AVEN: variants seen among roughly 807,000 people sequenced by gnomAD.
AVEN encodes the protein cell death regulator Aven.
AVEN carries 41 observed loss-of-function variants against 38.1 expected under a neutral mutation model. The ratio of observed to expected loss-of-function variants is 1.08; its 90% CI spans 0.84 to 1.40. The LOEUF is 1.40. Ranked by LOEUF, AVEN falls within the 40% of genes most tolerant of loss-of-function variation. The probability of loss-of-function intolerance (pLI) is 0.00; values close to 1 mark genes in which losing one functional copy is unlikely to be tolerated. For synonymous variants in AVEN, 206 were observed against 171.8 expected, an observed-to-expected ratio of 1.20 and a Z score of -1.56; for missense variants, 605 against 438.8, an observed-to-expected ratio of 1.38 and a Z score of -3.38.
chr15:33,861,254 C>G (rs1888088562), downstream of AVEN: 8 of 1,104,102 alleles, frequency 7.2e-6, no homozygotes, highest in Middle Eastern at 2.0e-4. Flanking sequence ...AGTTCAGTCT[C>G]TGCTGGAAAA....
intron 1 of AVEN, among the ~76,000 whole-genome samples, chr15:34,033,366 T>C (rs1244338336): frequency 2.0e-5 from 3 of 151,904 alleles, no homozygotes; most frequent in African/African-American, 7.2e-5. Context: ...ATTAGCCGGG[T>C]GTGGCGGTGT....
intron 2 of AVEN, among the ~76,000 whole-genome samples, chr15:33,994,062 G>T (rs1306278854): frequency 6.6e-6 from 1 of 152,206 alleles, no homozygotes; most frequent in Non-Finnish European, 1.5e-5. Context: ...AGAACAGGGG[G>T]TCCCCCACCC....
intron 5 of AVEN, among the ~76,000 whole-genome samples, chr15:34,056,373 C>A (rs186824085): frequency 6.6e-5 from 10 of 152,300 alleles, no homozygotes; most frequent in Admixed American, 6.5e-4. Flanking sequence ...TACTAAAATG[C>A]ATTTCCCAAA....
chr15:33,875,883 TGAA>T lies in AVEN; in HGVS notation c.516+39_516+41del, dbSNP rs376772386. 74 of 1,557,616 alleles carry T rather than the reference TGAA, an allele frequency of 4.8e-5. No homozygotes were observed. The African/African-American group carries it at 9.4e-4, about 20-fold the overall frequency. On this transcript the variant is annotated intron_variant, in intron 3 of 5. Coordinates refer to ENST00000306730, the MANE Select transcript of AVEN (RefSeq NM_020371.3). Reference sequence around the variant, plus strand: ...CGTAAAAGGTGTTAGCCTTCAGCCTTGAAGAAGAGCCAGTCCACACTTAACACA... The same window carrying T: ...CGTAAAAGGTGTTAGCCTTCAGCCTTGAAGAGCCAGTCCACACTTAACACA...
At chr15:33,872,417 A>T (rs559194177) in intron 3 of AVEN, among the ~76,000 whole-genome samples, 96 of 152,218 alleles carry the variant, frequency 6.3e-4, no homozygotes, top group Non-Finnish European at 1.1e-3. Context: ...CTCAGAATCT[A>T]CAGCAATTAC....
At chr15:33,875,531 G>A (rs1032445518) in intron 3 of AVEN, among the ~76,000 whole-genome samples, 1 of 152,112 alleles carries the variant, frequency 6.6e-6, no homozygotes, top group Non-Finnish European at 1.5e-5. Context: ...AAAGCTGCAA[G>A]GTTAAGGGTT....
downstream of AVEN, chr15:33,857,821 C>T: frequency 6.2e-7 from 1 of 1,614,180 alleles, no homozygotes; most frequent in Non-Finnish European, 8.5e-7. Flanking sequence ...TGGTTTATCT[C>T]TATACTGTGG....
At chr15:33,876,269 C>G (rs1233414944) in intron 2 of AVEN, among the ~76,000 whole-genome samples, 1 of 152,066 alleles carries the variant, frequency 6.6e-6, no homozygotes, top group East Asian at 1.9e-4. Context: ...TAAATTTGAT[C>G]CCTCAAAAAG....
intron 2 of AVEN, among the ~76,000 whole-genome samples, chr15:33,950,735 G>A (rs1477257177): frequency 1.3e-5 from 2 of 152,198 alleles, no homozygotes; most frequent in Non-Finnish European, 1.5e-5. Flanking sequence ...GCTGGGTTCA[G>A]TGGCTCACAC....
intron 2 of AVEN, among the ~76,000 whole-genome samples, chr15:33,886,608 C>T (rs567225777): frequency 5.9e-5 from 9 of 152,224 alleles, no homozygotes; most frequent in African/African-American, 1.9e-4. Flanking sequence ...CTTCACTCAG[C>T]TCTCATTCTT....
chr15:33,882,065 C>T (rs1011775031), intron 2 of AVEN, among the ~76,000 whole-genome samples: 1 of 152,042 alleles, frequency 6.6e-6, no homozygotes, highest in Non-Finnish European at 1.5e-5. Flanking sequence ...ACTGTCTTCC[C>T]TCTTCTTCAA....
rs371435908 is a variant in AVEN at position 33,949,860 on chromosome 15, T to C, written c.445+53172A>G. Among the ~76,000 whole-genome samples, 19 of 152,274 alleles carry C rather than the reference T, an allele frequency of 1.2e-4. No homozygotes were observed. The South Asian group carries it at 3.9e-3, about 32-fold the overall frequency. ...TACCATATGATCCAGCAATCCCACT[T>C]CTGGGTATACGGCCAAAATGAAATC... On this transcript the variant is annotated intron_variant, in intron 2 of 5. Coordinates refer to ENST00000306730, the MANE Select transcript of AVEN (RefSeq NM_020371.3).
intron 2 of AVEN, among the ~76,000 whole-genome samples, chr15:33,950,037 AAAG>A (rs1894675829): frequency 6.6e-6 from 1 of 152,232 alleles, no homozygotes; most frequent in African/African-American, 2.4e-5. Context: ...AGCCATAAAA[AAAG>A]AAGGAAAGCC....
chr15:33,942,980 G>A (rs1894372904), intron 2 of AVEN, among the ~76,000 whole-genome samples: 1 of 152,166 alleles, frequency 6.6e-6, no homozygotes. Flanking sequence ...GTGAATGTTG[G>A]CAAGAACATA....
At chr15:34,072,011 A>T (rs1432309899) in intron 1 of AVEN, among the ~76,000 whole-genome samples, 1 of 152,204 alleles carries the variant, frequency 6.6e-6, no homozygotes, top group Non-Finnish European at 1.5e-5. Context: ...CATGCCTGTA[A>T]TTCCAGCACT....
Position 33,870,916 on chromosome 15 carries a change from A to T in AVEN, c.612+19T>A. On this transcript the variant is annotated intron_variant, in intron 4 of 5. Coordinates refer to ENST00000306730, the MANE Select transcript of AVEN (RefSeq NM_020371.3). Reference sequence around the variant, plus strand: ...CCTGCCCTAATCCACCCGCTTCAAGAGGGCTTCGGGATTTTTACCTGGACC... The same window carrying T: ...CCTGCCCTAATCCACCCGCTTCAAGTGGGCTTCGGGATTTTTACCTGGACC... 1.3e-6 allele frequency: 2 copies of T among 1,595,690 alleles called. No homozygotes were observed. The highest frequency in any genetic ancestry group is 1.7e-6 in the Non-Finnish European group (2 of 1,164,872).
At chr15:33,869,646 C>T (rs1890850226) in intron 4 of AVEN, among the ~76,000 whole-genome samples, 1 of 152,154 alleles carries the variant, frequency 6.6e-6, no homozygotes, top group African/African-American at 2.4e-5. Flanking sequence ...CCTAACTGTC[C>T]TCCATCCCTG....
chr15:33,885,027 T>A (rs1361080584), intron 2 of AVEN, among the ~76,000 whole-genome samples: 1 of 152,160 alleles, frequency 6.6e-6, no homozygotes, highest in African/African-American at 2.4e-5. Flanking sequence ...AGTACTTCAT[T>A]TTAAGCTCCA....
At chr15:34,015,184 A>T (rs181682582) in intron 1 of AVEN, among the ~76,000 whole-genome samples, 104 of 152,304 alleles carry the variant, frequency 6.8e-4, no homozygotes, top group African/African-American at 1.9e-3. Context: ...AGCACTTTTT[A>T]AAAAATTCCA....
Sources: gnomAD v4.1 joint callset for allele counts (sites outside exome capture counted in the v4.1 genomes callset) on GRCh38, gnomAD v4.1.1 for gene constraint, MANE v1.5 for transcripts, NCBI Gene and HGNC (gene_info 2026-07-23, HGNC 2026-07-21) for gene names.